Variants in COA1 observed in about 807,000 individuals in gnomAD.
The protein encoded by COA1 is cytochrome c oxidase assembly factor 1.
In COA1, 13 loss-of-function variants were observed where a neutral mutation model predicts 16.0. The observed-to-expected ratio is 0.81, with a 90% CI of 0.53 to 1.29. COA1 has a LOEUF of 1.29. Ranked by LOEUF, COA1 falls within the 50% of genes most tolerant of loss-of-function variation. The pLI is 0.00. For synonymous variants in COA1, 65 were observed against 65.7 expected, an observed-to-expected ratio of 0.99 and a Z score of 0.05; for missense variants, 179 against 177.0, an observed-to-expected ratio of 1.01 and a Z score of -0.06.
chr7:43,613,715 G>A (rs145633626), intron 6 of COA1, among the ~76,000 whole-genome samples: 171 of 152,184 alleles, frequency 1.1e-3, no homozygotes, highest in African/African-American at 3.9e-3. Flanking sequence ...ATGGTGGCAC[G>A]CGCCTTTAGT....
downstream of COA1, among the ~76,000 whole-genome samples, chr7:43,635,720 A>G (rs2085755259): frequency 6.6e-6 from 1 of 152,256 alleles, no homozygotes; most frequent in Non-Finnish European, 1.5e-5. Context: ...GACTCAGTTC[A>G]CTAATATTTT....
At chr7:43,711,070 TG>T (rs1245247340) in intron 1 of COA1, among the ~76,000 whole-genome samples, 4 of 152,080 alleles carry the variant, frequency 2.6e-5, no homozygotes, top group African/African-American at 9.7e-5. Context: ...TTAGAGCACA[TG>T]TAATATCCCA....
At chr7:43,634,651 C>T (rs1273361711), downstream of COA1, among the ~76,000 whole-genome samples, 1 of 152,194 alleles carries the variant, frequency 6.6e-6, no homozygotes, top group African/African-American at 2.4e-5. Flanking sequence ...TTACAACAGG[C>T]AAAGAAGGTC....
At chr7:43,612,223 G>C (rs989838131) in intron 6 of COA1, among the ~76,000 whole-genome samples, 1 of 152,160 alleles carries the variant, frequency 6.6e-6, no homozygotes, top group Non-Finnish European at 1.5e-5. Context: ...TGGTCCAAAG[G>C]GTTCTCAGCC....
chr7:43,692,308 C>A (rs2094397232), intron 1 of COA1, among the ~76,000 whole-genome samples: 1 of 152,132 alleles, frequency 6.6e-6, no homozygotes, highest in Non-Finnish European at 1.5e-5. Context: ...CACTTAAGAC[C>A]AGGAGTTCAA....
At chr7:43,656,820 A>AAAAAG (rs141367829) in intron 1 of COA1, among the ~76,000 whole-genome samples, 3,441 of 151,806 alleles carry the variant, frequency 0.023, 97 homozygotes, top group African/African-American at 0.063. Context: ...GCAAATATTA[A>AAAAAG]AAAAGAAAAG....
intron 1 of COA1, among the ~76,000 whole-genome samples, chr7:43,700,591 CGTGTGT>C (rs58589217): frequency 2.1e-4 from 30 of 144,960 alleles, no homozygotes; most frequent in South Asian, 4.4e-4. Flanking sequence ...TGTATATATA[CGTGTGT>C]GTGTGTGTGT....
At chr7:43,724,836 G>T (rs1390287136) in intron 1 of COA1, among the ~76,000 whole-genome samples, 2 of 152,182 alleles carry the variant, frequency 1.3e-5, no homozygotes, top group Non-Finnish European at 2.9e-5. Flanking sequence ...CTTTTATGAG[G>T]ACCCTAGAAT....
intron 6 of COA1, chr7:43,622,317 C>A (rs1302669617): frequency 6.6e-6 from 1 of 152,166 alleles, no homozygotes; most frequent in Non-Finnish European, 1.5e-5. Context: ...GATTAGCATA[C>A]CTCGCATTTC....
chr7:43,720,054 G>A lies in COA1; in HGVS notation c.-39+9375C>T, dbSNP rs1000086702. Among the ~76,000 whole-genome samples the A allele has an allele frequency of 2.6e-5, 4 of 152,072 alleles. No homozygotes were observed. The South Asian group carries it at 6.2e-4, about 24-fold the overall frequency. ...AGCACTTTGGGAGGCCAAGGTGGGCGGGTCACTTGAGGTCAGGAGTTCAAG... is the reference window on the plus strand; with the variant it reads ...AGCACTTTGGGAGGCCAAGGTGGGCAGGTCACTTGAGGTCAGGAGTTCAAG... On this transcript the variant is annotated intron_variant, in intron 1 of 5. Coordinates refer to ENST00000223336, the MANE Select transcript of COA1 (RefSeq NM_018224.4).
At chr7:43,684,307 A>G (rs1490508523) in intron 1 of COA1, among the ~76,000 whole-genome samples, 1 of 152,122 alleles carries the variant, frequency 6.6e-6, no homozygotes, top group Non-Finnish European at 1.5e-5. Flanking sequence ...GGCAGAGCTC[A>G]CCTCCTGCTG....
intron 3 of COA1, chr7:43,646,884 G>A: frequency 4.6e-6 from 1 of 215,486 alleles, no homozygotes; most frequent in East Asian, 1.1e-4. Context: ...AGCTGGGTGG[G>A]GATAAAGGAG....
At chr7:43,640,154 T>C (rs998661061) in intron 5 of COA1, among the ~76,000 whole-genome samples, 2 of 152,216 alleles carry the variant, frequency 1.3e-5, no homozygotes, top group South Asian at 2.1e-4. Flanking sequence ...GATGTAGCTA[T>C]TGGCAACCAG....
intron 1 of COA1, among the ~76,000 whole-genome samples, chr7:43,666,614 T>C (rs2092909663): frequency 1.3e-5 from 2 of 152,208 alleles, no homozygotes; most frequent in Non-Finnish European, 2.9e-5. Context: ...ATTGGTAAAA[T>C]GCAAGTGTCG....
rs1554542664 is a variant in COA1 at position 43,691,421 on chromosome 7, A to AAT, written c.-39+38007_-39+38008insAT. Among the ~76,000 whole-genome samples the AAT allele has an allele frequency of 1.3e-4, 11 of 87,512 alleles. 1 individual carries two copies. Among genetic ancestry groups the AAT allele is most frequent in the Non-Finnish European group, 1.3e-4 (6 of 45,052 alleles). The allele number at this position is 87,512 out of a possible 152,430, so 57.4% of individuals were successfully genotyped here. A position where few individuals can be genotyped will look rare whatever the true frequency, so the allele number is the denominator to read the frequency against. ...GAAGGAAGGAAGGAAGGAAGAAAGAAAAAGAAAGAAAGAAAGAAAGAAAGA... is the reference window on the plus strand; with the variant it reads ...GAAGGAAGGAAGGAAGGAAGAAAGAAATAAAGAAAGAAAGAAAGAAAGAAAGA... On this transcript the variant is annotated intron_variant, in intron 1 of 5. Coordinates refer to ENST00000223336, the MANE Select transcript of COA1 (RefSeq NM_018224.4).
intron 1 of COA1, among the ~76,000 whole-genome samples, chr7:43,707,340 ACTGGGTATTAAAAACTGAGTGGTTCTTTT>A (rs1459228410): frequency 2.6e-5 from 4 of 152,244 alleles, no homozygotes; most frequent in Non-Finnish European, 5.9e-5. Context: ...TTGAATATTT[ACTGGGTATTAAAAACTGAGTGGTTCTTTT>A]TTTTAAAAGT....
chr7:43,654,945 T>C (rs1475031464), intron 1 of COA1, among the ~76,000 whole-genome samples: 1 of 152,160 alleles, frequency 6.6e-6, no homozygotes, highest in Non-Finnish European at 1.5e-5. Flanking sequence ...GAGGAAGACA[T>C]TATAAATTTG....
At chr7:43,673,308 C>T (rs2093361589) in intron 1 of COA1, among the ~76,000 whole-genome samples, 1 of 152,076 alleles carries the variant, frequency 6.6e-6, no homozygotes, top group Admixed American at 6.6e-5. Flanking sequence ...AATCAATAAA[C>T]AACCCCATTA....
intron 6 of COA1, among the ~76,000 whole-genome samples, chr7:43,628,737 T>C (rs534085278): frequency 6.6e-6 from 1 of 152,328 alleles, no homozygotes; most frequent in Admixed American, 6.5e-5. Flanking sequence ...TTCCTTTTAA[T>C]TGGATAGGAC....
Sources: allele counts gnomAD v4.1 joint callset (sites outside exome capture counted in the v4.1 genomes callset), GRCh38; gene constraint gnomAD v4.1.1; transcripts MANE v1.5; gene names NCBI Gene and HGNC (gene_info 2026-07-23, HGNC 2026-07-21).